MARVELD2: variants seen among roughly 807,000 people sequenced by gnomAD.
MARVELD2 encodes MARVEL domain-containing protein 2.
A neutral mutation model predicts 57.6 loss-of-function variants in MARVELD2; 49 were observed. The observed-to-expected ratio is 0.85, with a 90% CI of 0.68 to 1.08. MARVELD2 has a LOEUF of 1.08. Among genes scored for constraint, MARVELD2 ranks in the 50% least tolerant of loss-of-function variants. The pLI is 0.00. For synonymous variants in MARVELD2, 238 were observed against 258.8 expected, an observed-to-expected ratio of 0.92 and a Z score of 0.77; for missense variants, 606 against 701.1, an observed-to-expected ratio of 0.86 and a Z score of 1.53.
At chr5:69,433,912 CTT>C (rs531733396) in intron 5 of MARVELD2, among the ~76,000 whole-genome samples, 1 of 144,480 alleles carries the variant, frequency 6.9e-6, no homozygotes. Flanking sequence ...AGTATTTCTT[CTT>C]TTTTTTTTTT....
At chr5:69,433,321 C>A (rs778658229) in intron 5 of MARVELD2, among the ~76,000 whole-genome samples, 1 of 151,596 alleles carries the variant, frequency 6.6e-6, no homozygotes, top group South Asian at 2.1e-4. Flanking sequence ...TGCCACCACA[C>A]GTAGCTAATT....
rs746908180 is a variant in MARVELD2, at chr5:69,441,586, T to A, written c.1609T>A (p.Ser537Thr). The change falls in exon 7 of 7, where the codon TCT (serine) becomes ACT (threonine). Residue 537 changes from serine to threonine, a missense_variant. Transcript: ENST00000325631. ...ERCDYLKNKL[S>T]HIKQRIQEYD... ...CTGTGATTACCTAAAGAATAAACTT[T>A]CTCACATAAAGCAAAGAATTCAAGA... 1 of 1,602,762 alleles carries A rather than the reference T, an allele frequency of 6.2e-7. No individual in the cohort carries two copies. The highest frequency in any genetic ancestry group is 1.1e-5 in the South Asian group (1 of 90,666).
chr5:69,430,433 CTCAAACA>C (rs1480347616), intron 3 of MARVELD2, among the ~76,000 whole-genome samples: 1 of 152,028 alleles, frequency 6.6e-6, no homozygotes, highest in Non-Finnish European at 1.5e-5. Flanking sequence ...CCAGGCTGGT[CTCAAACA>C]TCTGGGCTCA....
chr5:69,432,406 G>C, intron 3 of MARVELD2, 121 bp from the exon 4 acceptor site: 2 of 1,079,816 alleles, frequency 1.9e-6, no homozygotes, highest in South Asian at 1.4e-5. Context: ...CTCCCAAAGT[G>C]CTAGGATTAC....
At chr5:69,435,364 C>G (rs1249052120) in intron 5 of MARVELD2, among the ~76,000 whole-genome samples, 1 of 152,016 alleles carries the variant, frequency 6.6e-6, no homozygotes, top group Non-Finnish European at 1.5e-5. Flanking sequence ...TAAACCCACC[C>G]TTTTAAAGTG....
At chr5:69,417,621 T>C (rs1243375509) in intron 1 of MARVELD2, among the ~76,000 whole-genome samples, 1 of 151,962 alleles carries the variant, frequency 6.6e-6, no homozygotes, top group Non-Finnish European at 1.5e-5. Flanking sequence ...CTAGGCAACA[T>C]AGTGATACTT....
At chr5:69,440,348 T>A in intron 5 of MARVELD2, 102 bp from the exon 6 acceptor site, 1 of 637,830 alleles carries the variant, frequency 1.6e-6, no homozygotes, top group Non-Finnish European at 2.8e-6. Context: ...CATTATTTTC[T>A]TAGGTAAAAA....
At chr5:69,430,204 C>T (rs1402842433) in intron 3 of MARVELD2, among the ~76,000 whole-genome samples, 1 of 151,948 alleles carries the variant, frequency 6.6e-6, no homozygotes, top group Non-Finnish European at 1.5e-5. Flanking sequence ...CCCATCTCTA[C>T]TAAAATACAA....
chr5:69,425,513 A>C (rs1044166056), intron 3 of MARVELD2, among the ~76,000 whole-genome samples: 5 of 151,134 alleles, frequency 3.3e-5, no homozygotes, highest in Non-Finnish European at 7.4e-5. Flanking sequence ...AATCATATCT[A>C]TAGCTGCTTT....
intron 3 of MARVELD2, among the ~76,000 whole-genome samples, chr5:69,427,318 A>G (rs529859205): frequency 1.3e-5 from 2 of 152,120 alleles, no homozygotes; most frequent in Non-Finnish European, 2.9e-5. Context: ...GCATTATTAT[A>G]TTATACACTC....
At chr5:69,432,281 G>A (rs139766270) in intron 3 of MARVELD2, among the ~76,000 whole-genome samples, 23 of 152,204 alleles carry the variant, frequency 1.5e-4, no homozygotes, top group African/African-American at 5.5e-4. Context: ...AAAGTGCTGG[G>A]ATTACAGGCG....
chr5:69,432,621 G>T lies in MARVELD2; in HGVS notation c.1277G>T (p.Gly426Val), dbSNP rs777231358. The T allele has an allele frequency of 7.4e-6, 12 of 1,614,118 alleles. No homozygotes were observed. The highest frequency in any genetic ancestry group is 1.0e-5 in the Non-Finnish European group (12 of 1,180,026). The change falls in exon 4 of 7, where the codon GGA becomes GTA. Residue 426 changes from glycine to valine, a missense_variant. Gly to Val is a moderately radical substitution (Grantham distance 109, BLOSUM62 -3). Coordinates refer to ENST00000325631, the MANE Select transcript of MARVELD2 (RefSeq NM_001038603.3). ...AAAATGAAACCTGAACTACTGAGTG[G>T]ACACATCCCCCCAGGCCACATTCCT... The part of the protein sequence containing the change: ...TAKMKPELLS[G>V]HIPPGHIPKP...
intron 5 of MARVELD2, among the ~76,000 whole-genome samples, chr5:69,435,279 G>T (rs1438118912): frequency 2.6e-5 from 4 of 151,876 alleles, no homozygotes; most frequent in Non-Finnish European, 5.9e-5. Context: ...CTCCCAAAGT[G>T]CTGGTATTAC....
intron 3 of MARVELD2, among the ~76,000 whole-genome samples, chr5:69,427,854 G>A (rs1295318946): frequency 1.3e-5 from 2 of 152,352 alleles, no homozygotes; most frequent in Non-Finnish European, 1.5e-5. Context: ...GCTCACGCCT[G>A]TAATCCGAGC....
At chr5:69,431,106 T>C (rs535546926) in intron 3 of MARVELD2, among the ~76,000 whole-genome samples, 105 of 147,854 alleles carry the variant, frequency 7.1e-4, no homozygotes, top group African/African-American at 2.2e-3. Context: ...CAACCTCACT[T>C]CTTTTCTTTT....
intron 1 of MARVELD2, among the ~76,000 whole-genome samples, chr5:69,417,911 C>T (rs1216070118): frequency 6.6e-5 from 10 of 150,684 alleles, no homozygotes; most frequent in Non-Finnish European, 1.2e-4. Context: ...TGCACTCCAG[C>T]CTGGGCAACA....
At chr5:69,425,332 C>T (rs573323494) in intron 3 of MARVELD2, among the ~76,000 whole-genome samples, 3 of 148,646 alleles carry the variant, frequency 2.0e-5, no homozygotes, top group African/African-American at 7.4e-5. Flanking sequence ...CAGCATGGCA[C>T]ATGTATACAT....
intron 5 of MARVELD2, among the ~76,000 whole-genome samples, chr5:69,437,017 C>T (rs1034966404): frequency 2.0e-5 from 3 of 151,390 alleles, no homozygotes; most frequent in East Asian, 2.0e-4. Flanking sequence ...GGTGAAACCG[C>T]GTCTCTACTA....
At position 69,417,048 on chromosome 5, in the gene MARVELD2, C is replaced by T. The variant is rs183662465; in HGVS notation, c.-16+1878C>T. Among the ~76,000 whole-genome samples, 220 of 152,354 alleles carry T rather than the reference C, an allele frequency of 1.4e-3. 1 individual carries two copies. The highest frequency in any genetic ancestry group is 4.8e-3 in the African/African-American group (199 of 41,576). ...ACTATTCACCTTCTTACCCACTTTGCTGCTGCCACAGTAGCTTCCATGCCT... is the reference window on the plus strand; with the variant it reads ...ACTATTCACCTTCTTACCCACTTTGTTGCTGCCACAGTAGCTTCCATGCCT... On this transcript the variant is annotated intron_variant, in intron 1 of 6. Transcript: ENST00000325631.
Sources: gnomAD v4.1 joint callset for allele counts (sites outside exome capture counted in the v4.1 genomes callset) on GRCh38, gnomAD v4.1.1 for gene constraint, MANE v1.5 for transcripts, NCBI Gene and HGNC (gene_info 2026-07-23, HGNC 2026-07-21) for gene names.